SIMC1: variants seen among roughly 807,000 people sequenced by gnomAD.
SIMC1 encodes the protein SUMO interacting motifs containing 1.
In SIMC1, 55 loss-of-function variants were observed where a neutral mutation model predicts 82.3. The ratio of observed to expected loss-of-function variants is 0.67; its 90% CI spans 0.54 to 0.84. SIMC1 has a LOEUF of 0.84. Among genes scored for constraint, SIMC1 ranks in the 40% least tolerant of loss-of-function variants. The probability of loss-of-function intolerance (pLI) is 0.00; values close to 1 mark genes in which losing one functional copy is unlikely to be tolerated. For missense variants in SIMC1, 915 were observed against 1,107.2 expected (o/e 0.83, Z 2.46); for synonymous variants, 353 against 426.3 (o/e 0.83, Z 2.12).
rs750733545 is a variant in SIMC1 at position 176,290,143 on chromosome 5, T to C, written c.619T>C (p.Cys207Arg). The C allele has an allele frequency of 6.0e-5, 96 of 1,607,550 alleles. No homozygotes were observed. The highest frequency in any genetic ancestry group is 4.2e-6 in the Non-Finnish European group (5 of 1,176,968). The change falls in exon 2 of 10, where the codon TGC (cysteine) becomes CGC (arginine). Residue 207 changes from cysteine to arginine, a missense_variant. Cys to Arg is a radical substitution (Grantham distance 180). Around this residue, in one of 2 missense-constraint regions of SIMC1, gnomAD observed 902 missense variants for 1,040.3 expected, o/e 0.87. Transcript: ENST00000429602. Reference sequence around the variant, plus strand: ...CAGCAATCAAAAAGCACCCTTGCCATGCCCACAGCAAGATGTATCTCGCCC... The same window carrying C: ...CAGCAATCAAAAAGCACCCTTGCCACGCCCACAGCAAGATGTATCTCGCCC... ...SSSNQKAPLP[C>R]PQQDVSRPPQ...
intron 9 of SIMC1, among the ~76,000 whole-genome samples, chr5:176,339,509 A>G (rs963713799): frequency 6.6e-6 from 1 of 152,182 alleles, no homozygotes; most frequent in Non-Finnish European, 1.5e-5. Flanking sequence ...ACCCTCAGTG[A>G]GGCTTATGTA....
intron 4 of SIMC1, among the ~76,000 whole-genome samples, chr5:176,305,218 G>C (rs1236537595): frequency 2.7e-4 from 14 of 51,168 alleles, no homozygotes; most frequent in Admixed American, 3.8e-4. Context: ...CCGGCCAGCC[G>C]CCCCGTCTGG....
At chr5:176,248,524 T>C (rs1397359418) in intron 1 of SIMC1, among the ~76,000 whole-genome samples, 3 of 152,142 alleles carry the variant, frequency 2.0e-5, no homozygotes, top group Non-Finnish European at 1.5e-5. Flanking sequence ...CGATAGTGTT[T>C]CTAAATATAC....
At chr5:176,273,018 G>A (rs1052850380) in intron 1 of SIMC1, among the ~76,000 whole-genome samples, 19 of 152,186 alleles carry the variant, frequency 1.2e-4, no homozygotes, top group Admixed American at 3.3e-4. Flanking sequence ...GGGCATAGCC[G>A]AACAAAAGGC....
At chr5:176,344,072 C>T (rs909698757) in intron 9 of SIMC1, among the ~76,000 whole-genome samples, 45 of 152,302 alleles carry the variant, frequency 3.0e-4, no homozygotes, top group South Asian at 8.3e-4. Context: ...ACTGGTATGA[C>T]AGGCATGAGC....
chr5:176,252,553 A>G lies in SIMC1; in HGVS notation c.129+13916A>G, dbSNP rs565682768. 3.9e-3 allele frequency among the ~76,000 whole-genome samples: 583 copies of G among 151,332 alleles called. 15 individuals carry two copies. Among genetic ancestry groups the G allele is most frequent in the Admixed American group, 0.036 (547 of 15,232 alleles). On this transcript the variant is annotated intron_variant, in intron 1 of 9. Transcript: ENST00000429602. ...CATCTCAGACGATGGGCGGCCGGGC[A>G]GAGACGCTCCTCACTTCCTAGATGG... is the stretch of plus-strand genomic sequence containing the variant.
intron 4 of SIMC1, among the ~76,000 whole-genome samples, chr5:176,302,130 A>C (rs763687992): frequency 6.6e-6 from 1 of 152,214 alleles, no homozygotes; most frequent in African/African-American, 2.4e-5. Context: ...ACATTTGTAC[A>C]TATTCAGTGT....
At chr5:176,329,002 T>C (rs1023038836) in intron 7 of SIMC1, among the ~76,000 whole-genome samples, 3 of 152,192 alleles carry the variant, frequency 2.0e-5, no homozygotes, top group African/African-American at 7.2e-5. Flanking sequence ...TACACTGTTT[T>C]CCCCTAGATA....
chr5:176,340,990 T>C (rs1766113808), intron 9 of SIMC1, among the ~76,000 whole-genome samples: 1 of 151,946 alleles, frequency 6.6e-6, no homozygotes, highest in Admixed American at 6.6e-5. Context: ...CTACTAAAAA[T>C]ACAAAAATTA....
chr5:176,292,576 T>C (rs926417943), intron 2 of SIMC1, among the ~76,000 whole-genome samples: 2 of 152,142 alleles, frequency 1.3e-5, no homozygotes, highest in African/African-American at 4.8e-5. Flanking sequence ...AGTCTCACCC[T>C]GTCACCCAGG....
intron 9 of SIMC1, among the ~76,000 whole-genome samples, chr5:176,339,090 A>T (rs1320196356): frequency 6.6e-6 from 1 of 152,162 alleles, no homozygotes; most frequent in East Asian, 1.9e-4. Context: ...TCGGCCAGGC[A>T]TGGTGGCTCA....
intron 4 of SIMC1, among the ~76,000 whole-genome samples, chr5:176,311,384 C>A (rs1764655979): frequency 6.6e-6 from 1 of 152,034 alleles, no homozygotes; most frequent in African/African-American, 2.4e-5. Flanking sequence ...ACTACAGGCA[C>A]ATGCTATCAC....
intron 4 of SIMC1, among the ~76,000 whole-genome samples, chr5:176,311,464 G>A (rs1764661143): frequency 6.6e-6 from 1 of 151,562 alleles, no homozygotes; most frequent in South Asian, 2.1e-4. Flanking sequence ...GGCTGGTCTT[G>A]TTTCCTGGCC....
At chr5:176,341,487 C>T (rs1458908059) in intron 9 of SIMC1, among the ~76,000 whole-genome samples, 1 of 152,228 alleles carries the variant, frequency 6.6e-6, no homozygotes, top group African/African-American at 2.4e-5. Flanking sequence ...AAAGGCTGCT[C>T]TACCTGATGT....
intron 1 of SIMC1, among the ~76,000 whole-genome samples, chr5:176,241,740 C>G (rs1022963914): frequency 3.3e-5 from 5 of 151,064 alleles, no homozygotes; most frequent in African/African-American, 1.2e-4. Context: ...TGGACTCTTA[C>G]GATAAAGTAA....
intron 1 of SIMC1, among the ~76,000 whole-genome samples, chr5:176,282,920 A>G (rs1763080818): frequency 6.6e-6 from 1 of 152,266 alleles, no homozygotes; most frequent in Admixed American, 6.5e-5. Flanking sequence ...AAGAAAGGGT[A>G]TCAGTGATTG....
intron 7 of SIMC1, among the ~76,000 whole-genome samples, chr5:176,327,420 C>T (rs1348442726): frequency 6.6e-6 from 1 of 152,174 alleles, no homozygotes; most frequent in African/African-American, 2.4e-5. Flanking sequence ...TATCATTTTC[C>T]AATTGCTCAT....
At chr5:176,283,353 G>A (rs1288402075) in intron 1 of SIMC1, among the ~76,000 whole-genome samples, 1 of 152,248 alleles carries the variant, frequency 6.6e-6, no homozygotes, top group Non-Finnish European at 1.5e-5. Context: ...AGCCAGAAGA[G>A]AGTGGGGGCC....
At chr5:176,308,837 A>C in intron 4 of SIMC1, 1 of 1,241,276 alleles carries the variant, frequency 8.1e-7, no homozygotes, top group African/African-American at 1.5e-5. Flanking sequence ...ATCTGGACTC[A>C]TAACCAAGAT....
Sources: allele counts gnomAD v4.1 joint callset (sites outside exome capture counted in the v4.1 genomes callset), GRCh38; gene constraint gnomAD v4.1.1; regional missense constraint gnomAD v4.1.1; transcripts MANE v1.5; gene names NCBI Gene and HGNC (gene_info 2026-07-23, HGNC 2026-07-21).